AKR7A3: variants seen among roughly 807,000 people sequenced by gnomAD.
The protein encoded by AKR7A3 is aldo-keto reductase family 7 member A3.
A neutral mutation model predicts 32.5 loss-of-function variants in AKR7A3; 37 were observed. That is an observed-to-expected ratio of 1.14 (90% CI 0.88 to 1.50). The LOEUF (loss-of-function observed/expected upper bound fraction) is 1.50, where lower values mean the gene tolerates loss of function less well. Ranked by LOEUF, AKR7A3 falls within the 40% of genes most tolerant of loss-of-function variation. AKR7A3 has a pLI of 0.00. For missense variants in AKR7A3, 412 were observed against 453.2 expected, an observed-to-expected ratio of 0.91 and a Z score of 0.83; for synonymous variants, 177 against 188.4, an observed-to-expected ratio of 0.94 and a Z score of 0.50.
chr1:19,288,007 G>C (rs1402800052), intron 1 of AKR7A3, among the ~76,000 whole-genome samples: 2 of 152,212 alleles, frequency 1.3e-5, no homozygotes, highest in Non-Finnish European at 2.9e-5. Context: ...GGGGCCCCGA[G>C]CAGGCTGGCA....
In AKR7A3 at chr1:19,288,533, G is replaced by T. The variant is rs529881557; in HGVS notation, c.177C>A (p.Gly59=). The change falls in exon 1 of 7, where the codon GGC becomes GGA. Residue 59 remains glycine, a synonymous_variant. Transcript: ENST00000361640. ...YSEGQSETIL[G]GLGLRLGGSD... is the part of the protein sequence containing the mutation. Reference sequence around the variant, plus strand: ...TGCCGCCCAGCCGGAGCCCCAGGCCGCCAAGGATGGTCTCGGACTGGCCCT... The same window carrying T: ...TGCCGCCCAGCCGGAGCCCCAGGCCTCCAAGGATGGTCTCGGACTGGCCCT... 7.4e-6 allele frequency: 12 copies of T among 1,610,948 alleles called. No homozygotes were observed. Among genetic ancestry groups the T allele is most frequent in the Non-Finnish European group, 1.0e-5 (12 of 1,179,460 alleles).
chr1:19,284,792 G>A lies in AKR7A3; in HGVS notation c.605-7C>T. The stretch of plus-strand genomic sequence containing the variant: ...TTGCCGGTCAGCAGGCCCCCTGAGG[G>A]AAAGCAGCAATCAGCCCCGGGGCCT... On this transcript the variant is annotated splice_region_variant and splice_polypyrimidine_tract_variant and intron_variant, in intron 4 of 6. Coordinates refer to ENST00000361640, the MANE Select transcript of AKR7A3 (RefSeq NM_012067.3). 6.2e-7 allele frequency: 1 copy of A among 1,613,700 alleles called. No individual in the cohort carries two copies. Among genetic ancestry groups the A allele is most frequent in the East Asian group, 2.2e-5 (1 of 44,882 alleles).
chr1:19,287,671 G>A (rs2093733244), intron 1 of AKR7A3, among the ~76,000 whole-genome samples: 1 of 152,046 alleles, frequency 6.6e-6, no homozygotes, highest in African/African-American at 2.4e-5. Flanking sequence ...AAACACATTT[G>A]CCTTTCCACA....
chr1:19,288,477 G>A lies in AKR7A3; in HGVS notation c.214+19C>T. Reference sequence around the variant, plus strand: ...TCAGCTCTGCACCGTGCAGGGGGAGGATCAGGGGCCACTGTTACCTCTGCA... The same window carrying A: ...TCAGCTCTGCACCGTGCAGGGGGAGAATCAGGGGCCACTGTTACCTCTGCA... On this transcript the variant is annotated intron_variant, in intron 1 of 6. Transcript: ENST00000361640. The A allele has an allele frequency of 6.2e-7, 1 of 1,609,216 alleles. No individual in the cohort carries two copies. Among genetic ancestry groups the A allele is most frequent in the East Asian group, 2.2e-5 (1 of 44,778 alleles).
At chr1:19,286,966 CAAAG>C (rs1363378064) in intron 1 of AKR7A3, among the ~76,000 whole-genome samples, 1 of 151,060 alleles carries the variant, frequency 6.6e-6, no homozygotes, top group Non-Finnish European at 1.5e-5. Flanking sequence ...AGACAGAAGA[CAAAG>C]AAGGATTAAA....
intron 1 of AKR7A3, 77 bp downstream of exon 1, chr1:19,288,419 G>A (rs1287167943): frequency 4.4e-5 from 67 of 1,513,298 alleles, no homozygotes; most frequent in Non-Finnish European, 5.5e-5. Context: ...CCGGGGCCAG[G>A]GAGAGCGGGG....
At chr1:19,280,287 G>A (rs1187722590), downstream of AKR7A3, among the ~76,000 whole-genome samples, 5 of 150,706 alleles carry the variant, frequency 3.3e-5, no homozygotes, top group African/African-American at 9.8e-5. Context: ...TCTGTCACCC[G>A]GGCTGGAGTG....
rs1056332238 is a variant in AKR7A3 at position 19,285,222 on chromosome 1, A to T, written c.508-108T>A. On this transcript the variant is annotated intron_variant, in intron 3 of 6. Coordinates refer to ENST00000361640, the MANE Select transcript of AKR7A3 (RefSeq NM_012067.3). ...CAGACCTTAACAATTCTAGGACTTT[A>T]ACCGTCTGGGCGTATACTTATTCTA... 4 of 1,070,606 alleles carry T rather than the reference A, an allele frequency of 3.7e-6. No homozygotes were observed. The African/African-American group carries it at 4.8e-5, about 13-fold the overall frequency. The allele number at this position is 1,070,606 out of a possible 1,614,324, so 66.3% of individuals were successfully genotyped here.
At chr1:19,274,899 C>CAAAAGAAAAAAAA in the AKR7A3 span, among the ~76,000 whole-genome samples, 56 of 44,312 alleles carry the variant, frequency 1.3e-3, 2 homozygotes, top group African/African-American at 4.4e-3. Flanking sequence ...TCTCTAAATA[C>CAAAAGAAAAAAAA]AAAAAAAAAA....
In AKR7A3 at chr1:19,288,737, C is replaced by A; in HGVS notation, c.-28G>T. The A allele has an allele frequency of 1.4e-6, 2 of 1,436,124 alleles. No individual in the cohort carries two copies. The highest frequency in any genetic ancestry group is 1.8e-6 in the Non-Finnish European group (2 of 1,099,506). The allele number at this position is 1,436,124 out of a possible 1,614,324, so 89.0% of individuals were successfully genotyped here. ...CGGCGGCAACGGGAGACTGTGACAG[C>A]CCAGGAGCCGCGCGCAGCGGTCGGA... On this transcript the variant is annotated 5_prime_UTR_variant, in exon 1 of 7. Transcript: ENST00000361640.
downstream of AKR7A3, among the ~76,000 whole-genome samples, chr1:19,282,199 A>G (rs1235964170): frequency 6.6e-6 from 1 of 151,834 alleles, no homozygotes; most frequent in Non-Finnish European, 1.5e-5. Flanking sequence ...GTGATCCCCA[A>G]TGTTAGAGGT....
downstream of AKR7A3, among the ~76,000 whole-genome samples, chr1:19,281,257 G>A (rs919718242): frequency 2.0e-5 from 3 of 151,818 alleles, no homozygotes; most frequent in Admixed American, 1.3e-4. Flanking sequence ...TCCTCCAACT[G>A]TGTTCTTTTT....
At chr1:19,283,427 A>G (rs2093722352) in intron 6 of AKR7A3, among the ~76,000 whole-genome samples, 1 of 151,966 alleles carries the variant, frequency 6.6e-6, no homozygotes, top group Non-Finnish European at 1.5e-5. Flanking sequence ...GGTGAAACTC[A>G]GTTTCCTCGT....
chr1:19,276,840 G>A, the AKR7A3 span, among the ~76,000 whole-genome samples: 1 of 151,470 alleles, frequency 6.6e-6, no homozygotes, highest in Admixed American at 6.6e-5. Flanking sequence ...GGCCAGGTGT[G>A]GTGGCTCACT....
At chr1:19,276,222 C>T in the AKR7A3 span, among the ~76,000 whole-genome samples, 1 of 151,212 alleles carries the variant, frequency 6.6e-6, no homozygotes, top group African/African-American at 2.4e-5. Context: ...ATTAGCCAGG[C>T]GTGGTGGCGG....
chr1:19,287,591 C>T (rs2093733030), intron 1 of AKR7A3, among the ~76,000 whole-genome samples: 5 of 151,954 alleles, frequency 3.3e-5, no homozygotes, highest in Admixed American at 3.3e-4. Flanking sequence ...GAGGGCGGCT[C>T]CTCCTGCCCC....
In AKR7A3 at chr1:19,286,292, G is replaced by T. The variant is rs1390302410; in HGVS notation, c.295C>A (p.Leu99Met). 1 of 1,613,954 alleles carries T rather than the reference G, an allele frequency of 6.2e-7. No homozygotes were observed. Among genetic ancestry groups the T allele is most frequent in the South Asian group, 1.1e-5 (1 of 91,086 alleles). The change falls in exon 2 of 7, where the codon CTG becomes ATG. Residue 99 changes from leucine to methionine, a missense_variant. By Grantham distance (15) the Leu-to-Met change is conservative. Coordinates refer to ENST00000361640, the MANE Select transcript of AKR7A3 (RefSeq NM_012067.3). Reference protein sequence around the residue: ...DSLRFQLETSLKRLQCPRVDL... With the variant: ...DSLRFQLETSMKRLQCPRVDL... ...ACTCGGGGACACTGCAGCCGCTTCAGTGACGTCTCCAGCTGGAACCGGAGA... is the reference window on the plus strand; with the variant it reads ...ACTCGGGGACACTGCAGCCGCTTCATTGACGTCTCCAGCTGGAACCGGAGA...
At chr1:19,284,566 G>T in intron 5 of AKR7A3, 120 bp downstream of exon 5, 1 of 1,116,966 alleles carries the variant, frequency 9.0e-7, no homozygotes, top group Non-Finnish European at 1.3e-6. Flanking sequence ...AATTCCCGAA[G>T]AAATTCAGGG....
At chr1:19,282,499 C>A (rs1035156913), downstream of AKR7A3, 37 of 711,562 alleles carry the variant, frequency 5.2e-5, no homozygotes, top group Non-Finnish European at 7.1e-5. Context: ...GCCAAATAAA[C>A]CTCTTTTCTT....
Sources: allele counts gnomAD v4.1 joint callset (sites outside exome capture counted in the v4.1 genomes callset), GRCh38; gene constraint gnomAD v4.1.1; transcripts MANE v1.5; gene names NCBI Gene and HGNC (gene_info 2026-07-23, HGNC 2026-07-21).